The following CDRT4 variants were observed in gnomAD, a reference collection of about 807,000 sequenced individuals.
CDRT4 encodes CMT1A duplicated region transcript 4.
For synonymous variants in CDRT4, 64 were observed against 69.6 expected (o/e 0.92, Z 0.40); for missense variants, 167 against 193.1 (o/e 0.87, Z 0.80).
intron 2 of CDRT4, among the ~76,000 whole-genome samples, chr17:15,440,896 A>G (rs533175115): frequency 6.6e-6 from 1 of 152,276 alleles, no homozygotes; most frequent in East Asian, 1.9e-4. Context: ...GTTAAAGCCC[A>G]GATTGCTGAG....
chr17:15,441,907 G>C (rs1330743078), intron 2 of CDRT4, among the ~76,000 whole-genome samples: 1 of 152,148 alleles, frequency 6.6e-6, no homozygotes, highest in Non-Finnish European at 1.5e-5. Context: ...ATCTAACGTA[G>C]AGAAAGTTTC....
chr17:15,447,507 AGT>A lies in CDRT4; in HGVS notation c.-48+5495_-48+5496del, dbSNP rs527451268. Among the ~76,000 whole-genome samples the A allele has an allele frequency of 3.9e-5, 6 of 152,370 alleles. No individual in the cohort carries two copies. The South Asian group carries it at 1.2e-3, about 32-fold the overall frequency. ...CAGATAATATAGGCAGTTTCCAAAC[AGT>A]GTGTTTTCTGCATGTGAATTATAAT... On this transcript the variant is annotated intron_variant, in intron 2 of 3. Coordinates refer to ENST00000619038, the MANE Select transcript of CDRT4 (RefSeq NM_001204477.2).
chr17:15,437,612 C>G lies in CDRT4; in HGVS notation c.*161G>C. 1.4e-6 allele frequency: 1 copy of G among 729,632 alleles called. No individual in the cohort carries two copies. The highest frequency in any genetic ancestry group is 2.2e-6 in the Non-Finnish European group (1 of 452,314). 45.2% of individuals were successfully genotyped at this position (729,632 alleles called of 1,614,324 possible). A position where few individuals can be genotyped will look rare whatever the true frequency, so the allele number is the denominator to read the frequency against. On this transcript the variant is annotated 3_prime_UTR_variant, in exon 4 of 4. Transcript: ENST00000619038. ...CACCCACCCACCTACAGCTTGCATTCTGATCTGGTTTCTCTTAGCCAAGCT... is the reference window on the plus strand; with the variant it reads ...CACCCACCCACCTACAGCTTGCATTGTGATCTGGTTTCTCTTAGCCAAGCT...
chr17:15,438,015 C>T lies in CDRT4; in HGVS notation c.217G>A (p.Val73Ile), dbSNP rs3744332. Residue 73 changes from valine to isoleucine, a missense_variant, in exon 4 of 4, where the codon GTC becomes ATC. Physicochemically the swap from Val to Ile is conservative, Grantham distance 29 (BLOSUM62 3). Coordinates refer to ENST00000619038, the MANE Select transcript of CDRT4 (RefSeq NM_001204477.2). The part of the protein sequence containing the change: ...WASRQNKPSS[V>I]IQPKRRKSSK... ...GACTTCCTCCTTTTCGGCTGAATGA[C>T]GCTGGAAGGTTTATTCTGCCTTGAT... The T allele has an allele frequency of 4.4e-3, 7,140 of 1,614,122 alleles. 156 individuals are homozygous for T. The Admixed American group carries it at 0.046, about 10-fold the overall frequency.
At chr17:15,447,881 A>G (rs1190750057) in intron 2 of CDRT4, among the ~76,000 whole-genome samples, 1 of 152,200 alleles carries the variant, frequency 6.6e-6, no homozygotes, top group Non-Finnish European at 1.5e-5. Flanking sequence ...CAAGTAAGAA[A>G]GATACGGAGA....
In CDRT4 at chr17:15,436,051, A is replaced by G. The variant is rs924822025; in HGVS notation, c.*1722T>C. On this transcript the variant is annotated 3_prime_UTR_variant, in exon 4 of 4. Coordinates refer to ENST00000619038, the MANE Select transcript of CDRT4 (RefSeq NM_001204477.2). The stretch of plus-strand genomic sequence containing the variant: ...TTGGAGGAATTTATTGCCTGCCTCC[A>G]TGTCTATAAACGTTCCATGGACACA... The G allele has an allele frequency of 1.3e-5, 2 of 152,194 alleles. No individual in the cohort carries two copies. The highest frequency in any genetic ancestry group is 2.9e-5 in the Non-Finnish European group (2 of 68,044). 9.4% of individuals were successfully genotyped at this position (152,194 alleles called of 1,614,324 possible).
chr17:15,448,326 C>T (rs1457642462), intron 2 of CDRT4, among the ~76,000 whole-genome samples: 1 of 152,212 alleles, frequency 6.6e-6, no homozygotes, highest in Non-Finnish European at 1.5e-5. Context: ...AAACACTTTC[C>T]TAACCCTTCC....
At chr17:15,456,345 C>T (rs796433763) in intron 1 of CDRT4, among the ~76,000 whole-genome samples, 1 of 152,174 alleles carries the variant, frequency 6.6e-6, no homozygotes, top group African/African-American at 2.4e-5. Flanking sequence ...AGGGTACTTG[C>T]CTTACACATT....
chr17:15,444,816 A>G lies in CDRT4; in HGVS notation c.-47-4531T>C, dbSNP rs111326318. Among the ~76,000 whole-genome samples, 615 of 152,218 alleles carry G rather than the reference A, an allele frequency of 4.0e-3. 5 individuals are homozygous for G. The highest frequency in any genetic ancestry group is 0.017 in the Middle Eastern group (5 of 294). On this transcript the variant is annotated intron_variant, in intron 2 of 3. Transcript: ENST00000619038. Reference sequence around the variant, plus strand: ...CTTTCACTCAAGAATCCCTGATTATAGTCAGCACTGCATCTCAAGGGCCTT... The same window carrying G: ...CTTTCACTCAAGAATCCCTGATTATGGTCAGCACTGCATCTCAAGGGCCTT...
chr17:15,440,495 C>T (rs1460822963), intron 2 of CDRT4, among the ~76,000 whole-genome samples: 1 of 152,088 alleles, frequency 6.6e-6, no homozygotes, highest in Non-Finnish European at 1.5e-5. Context: ...TGCTCAAGAG[C>T]TGTAGACTGT....
At chr17:15,459,237 T>C (rs1979628132) in intron 1 of CDRT4, among the ~76,000 whole-genome samples, 1 of 152,058 alleles carries the variant, frequency 6.6e-6, no homozygotes, top group Non-Finnish European at 1.5e-5. Context: ...CCTCCACTCA[T>C]GAACAACAAG....
chr17:15,441,723 G>A (rs117559075), intron 2 of CDRT4, among the ~76,000 whole-genome samples: 1,699 of 152,182 alleles, frequency 0.011, 15 homozygotes, highest in Non-Finnish European at 0.019. Context: ...ATGGCATCCC[G>A]GAGATTCATT....
intron 2 of CDRT4, 34 bp downstream of exon 2, chr17:15,452,970 C>G (rs1279623309): frequency 6.6e-6 from 1 of 152,194 alleles, no homozygotes; most frequent in African/African-American, 2.4e-5. Flanking sequence ...GAAGGATAGA[C>G]TGTGGTCAAA....
intron 2 of CDRT4, chr17:15,443,957 T>G: frequency 1.5e-6 from 1 of 684,798 alleles, no homozygotes; most frequent in Non-Finnish European, 2.7e-6. Flanking sequence ...ATGGGTCTCC[T>G]GTCGAAATCC....
At chr17:15,444,856 G>A (rs1407439657) in intron 2 of CDRT4, among the ~76,000 whole-genome samples, 1 of 151,830 alleles carries the variant, frequency 6.6e-6, no homozygotes, top group Admixed American at 6.6e-5. Flanking sequence ...CATTTAAAAG[G>A]GCCATGAAGT....
In CDRT4 at chr17:15,438,167, A is replaced by G; in HGVS notation, c.65T>C (p.Leu22Pro). 1 of 1,614,088 alleles carries G rather than the reference A, an allele frequency of 6.2e-7. No individual in the cohort carries two copies. Among genetic ancestry groups the G allele is most frequent in the Non-Finnish European group, 8.5e-7 (1 of 1,179,984 alleles). ...LTENTGLPRKLLEKHDPWPAY... is the reference protein window; with the variant it reads ...LTENTGLPRKPLEKHDPWPAY... ...CGGCCAGGGGTCATGTTTTTCAAGT[A>G]GCTTCCGGGGAAGTCCAGTGTTTTC... Residue 22 changes from leucine (L) to proline (P), a missense_variant, in exon 4 of 4, where the codon CTA becomes CCA. By Grantham distance (98) the Leu-to-Pro change is moderately conservative. Coordinates refer to ENST00000619038, the MANE Select transcript of CDRT4 (RefSeq NM_001204477.2).
intron 1 of CDRT4, among the ~76,000 whole-genome samples, chr17:15,465,020 C>T (rs1371614847): frequency 7.1e-6 from 1 of 140,118 alleles, no homozygotes; most frequent in East Asian, 3.3e-4. Flanking sequence ...ACAACACAGA[C>T]ACACACCAAC....
At position 15,438,187 on chromosome 17, in the gene CDRT4, GT is replaced by G. The variant is rs751953035; in HGVS notation, c.44del (p.Asn15ThrfsTer26). The G allele has an allele frequency of 3.3e-5, 54 of 1,613,262 alleles. No individual in the cohort carries two copies. The highest frequency in any genetic ancestry group is 4.3e-5 in the Non-Finnish European group (51 of 1,179,556). On this transcript the variant is annotated frameshift_variant, in exon 4 of 4. Coordinates refer to ENST00000619038, the MANE Select transcript of CDRT4 (RefSeq NM_001204477.2). LOFTEE classifies it low-confidence loss of function (END_TRUNC). ...CAAGTAGCTTCCGGGGAAGTCCAGT[GT>G]TTTCTGTGAGTCCTACCAACAAAGA... ...RMKKEEGLTE[N>X]TGLPRKLLEK...
intron 1 of CDRT4, among the ~76,000 whole-genome samples, chr17:15,454,730 T>C (rs577736581): frequency 6.6e-6 from 1 of 152,268 alleles, no homozygotes; most frequent in East Asian, 1.9e-4. Flanking sequence ...CAAGGGGCTG[T>C]AGGGTAGAGC....
Sources: allele counts gnomAD v4.1 joint callset (sites outside exome capture counted in the v4.1 genomes callset), GRCh38; gene constraint gnomAD v4.1.1; transcripts MANE v1.5; gene names NCBI Gene and HGNC (gene_info 2026-07-23, HGNC 2026-07-21).